Variants in MGAT4D observed in about 807,000 individuals in gnomAD.
The protein encoded by MGAT4D is alpha-1,3-mannosyl-glycoprotein 4-beta-N-acetylglucosaminyltransferase-like protein MGAT4D.
In MGAT4D, 34 loss-of-function variants were observed where a neutral mutation model predicts 15.9. That is an observed-to-expected ratio of 2.14 (90% CI 1.62 to 2.84). MGAT4D has a LOEUF of 2.84. Among genes scored for constraint, MGAT4D ranks in the 30% most tolerant of loss-of-function variants. The pLI, the probability that MGAT4D is intolerant of heterozygous loss-of-function variation, is 0.00. For synonymous variants in MGAT4D, 112 were observed against 48.2 expected (o/e 2.33, Z -5.49); for missense variants, 327 against 140.2 (o/e 2.33, Z -6.73).
chr4:140,448,109 C>A (rs1438484905), intron 10 of MGAT4D, among the ~76,000 whole-genome samples: 1 of 152,158 alleles, frequency 6.6e-6, no homozygotes, highest in Non-Finnish European at 1.5e-5. Context: ...TACAGGTTAC[C>A]TGCCCTTTCT....
At chr4:140,458,892 A>T (rs1318100810) in intron 8 of MGAT4D, 2 of 152,112 alleles carry the variant, frequency 1.3e-5, no homozygotes, top group African/African-American at 4.8e-5. Flanking sequence ...TGAATCAATA[A>T]TGTCATGCAC....
At chr4:140,448,658 G>A (rs918862178) in intron 10 of MGAT4D, among the ~76,000 whole-genome samples, 14 of 152,090 alleles carry the variant, frequency 9.2e-5, no homozygotes, top group African/African-American at 2.9e-4. Flanking sequence ...CCTGAATCTT[G>A]AAGATCTTCA....
chr4:140,493,287 CTT>C (rs551838799), intron 1 of MGAT4D, among the ~76,000 whole-genome samples: 2 of 112,476 alleles, frequency 1.8e-5, no homozygotes, highest in Non-Finnish European at 3.8e-5. Flanking sequence ...TGTTCCTTTA[CTT>C]TTTTTTTTTT....
intron 1 of MGAT4D, among the ~76,000 whole-genome samples, chr4:140,491,954 G>A (rs1205749553): frequency 6.6e-6 from 1 of 152,068 alleles, no homozygotes; most frequent in Non-Finnish European, 1.5e-5. Flanking sequence ...AGGTCAAATG[G>A]TGTTGTGCAC....
chr4:140,479,189 C>T (rs1303390094), intron 3 of MGAT4D, among the ~76,000 whole-genome samples: 2 of 152,060 alleles, frequency 1.3e-5, no homozygotes, highest in Non-Finnish European at 2.9e-5. Context: ...ATAGATTTAC[C>T]AAAAACAACG....
At chr4:140,470,498 G>A (rs1464322451) in intron 5 of MGAT4D, among the ~76,000 whole-genome samples, 2 of 152,202 alleles carry the variant, frequency 1.3e-5, no homozygotes, top group Non-Finnish European at 2.9e-5. Context: ...TGCAGCCCTG[G>A]TCTACAGCAC....
intron 2 of MGAT4D, among the ~76,000 whole-genome samples, chr4:140,481,808 T>C (rs1732752106): frequency 6.6e-6 from 1 of 152,108 alleles, no homozygotes; most frequent in South Asian, 2.1e-4. Flanking sequence ...AGGGGGAGGA[T>C]TGGAGTACAA....
intron 7 of MGAT4D, among the ~76,000 whole-genome samples, chr4:140,460,236 G>A (rs1415260375): frequency 1.3e-5 from 2 of 152,148 alleles, no homozygotes; most frequent in African/African-American, 4.8e-5. Context: ...GTCCATTTGA[G>A]CTGTTATAAC....
intron 3 of MGAT4D, among the ~76,000 whole-genome samples, chr4:140,475,216 A>C (rs2126795957): frequency 6.6e-6 from 1 of 152,296 alleles, no homozygotes; most frequent in African/African-American, 2.4e-5. Context: ...AGCAAAAATA[A>C]AACTAACCAC....
intron 1 of MGAT4D, among the ~76,000 whole-genome samples, chr4:140,490,550 G>A (rs1023725817): frequency 1.3e-5 from 2 of 152,200 alleles, no homozygotes; most frequent in African/African-American, 4.8e-5. Flanking sequence ...CCAAGCCAAA[G>A]TTCCTAAATC....
intron 1 of MGAT4D, among the ~76,000 whole-genome samples, chr4:140,488,725 C>T (rs1352646195): frequency 1.3e-5 from 2 of 152,186 alleles, no homozygotes; most frequent in Non-Finnish European, 2.9e-5. Flanking sequence ...CCCACCAAAT[C>T]TCATGTTGAA....
chr4:140,492,514 G>C (rs1407917740), intron 1 of MGAT4D, among the ~76,000 whole-genome samples: 5 of 152,202 alleles, frequency 3.3e-5, no homozygotes, highest in South Asian at 2.1e-4. Flanking sequence ...TGTAGTCCCA[G>C]CTACTCAGGA....
At chr4:140,483,191 G>A (rs891674091) in intron 1 of MGAT4D, among the ~76,000 whole-genome samples, 1 of 152,078 alleles carries the variant, frequency 6.6e-6, no homozygotes, top group African/African-American at 2.4e-5. Flanking sequence ...ATAAACTAAA[G>A]TTTCAGGATA....
At chr4:140,465,716 G>A (rs1053665886) in intron 5 of MGAT4D, among the ~76,000 whole-genome samples, 1 of 152,094 alleles carries the variant, frequency 6.6e-6, no homozygotes, top group African/African-American at 2.4e-5. Context: ...AAGGTTCAAG[G>A]AAATGTTTAT....
At chr4:140,444,685 G>A (rs1729971928) in intron 10 of MGAT4D, among the ~76,000 whole-genome samples, 1 of 152,160 alleles carries the variant, frequency 6.6e-6, no homozygotes, top group African/African-American at 2.4e-5. Flanking sequence ...ATGTGTGCAT[G>A]TGTCTTTATG....
intron 5 of MGAT4D, among the ~76,000 whole-genome samples, chr4:140,471,176 G>C (rs76895031): frequency 3.3e-5 from 5 of 151,860 alleles, no homozygotes; most frequent in Non-Finnish European, 7.4e-5. Context: ...ACAGGTGTGA[G>C]TCACCATGCC....
chr4:140,493,093 A>C (rs1158225312), intron 1 of MGAT4D, among the ~76,000 whole-genome samples: 1 of 152,050 alleles, frequency 6.6e-6, no homozygotes, highest in Non-Finnish European at 1.5e-5. Context: ...CTGATTAAAA[A>C]GTTATATATG....
chr4:140,471,222 T>TTTTG (rs1280929230), intron 5 of MGAT4D, among the ~76,000 whole-genome samples: 2 of 144,852 alleles, frequency 1.4e-5, no homozygotes, highest in South Asian at 2.2e-4. Flanking sequence ...CCTTTCTCCT[T>TTTTG]TTTGTTTCCT....
intron 7 of MGAT4D, among the ~76,000 whole-genome samples, chr4:140,460,002 G>A (rs1276318542): frequency 2.0e-5 from 3 of 151,888 alleles, no homozygotes; most frequent in Non-Finnish European, 4.4e-5. Flanking sequence ...CAACTCCTGG[G>A]CTCAAGTGAG....
Sources: allele counts gnomAD v4.1 joint callset (sites outside exome capture counted in the v4.1 genomes callset), GRCh38; gene constraint gnomAD v4.1.1; transcripts MANE v1.5; gene names NCBI Gene and HGNC (gene_info 2026-07-23, HGNC 2026-07-21).